The following HS6ST3 variants were observed in gnomAD, a reference collection of about 807,000 sequenced individuals.
HS6ST3 encodes the protein heparan sulfate 6-O-sulfotransferase 3.
HS6ST3 carries 12 observed loss-of-function variants against 36.7 expected under a neutral mutation model. The ratio of observed to expected loss-of-function variants is 0.33; its 90% confidence interval spans 0.21 to 0.53. HS6ST3 has a LOEUF of 0.53. HS6ST3 is among the 20% of genes least tolerant of loss of function. The pLI, the probability that HS6ST3 is intolerant of heterozygous loss-of-function variation, is 0.95. For synonymous variants in HS6ST3, 240 were observed against 257.5 expected (o/e 0.93, Z 0.65); for missense variants, 584 against 640.9 (o/e 0.91, Z 0.96).
chr13:96,567,777 T>C (rs963505462), intron 1 of HS6ST3, among the ~76,000 whole-genome samples: 1 of 152,088 alleles, frequency 6.6e-6, no homozygotes, highest in Non-Finnish European at 1.5e-5. Context: ...CAATATGAAA[T>C]AGAAAATATA....
At chr13:96,668,180 ACACACACACGC>A (rs2056670528) in intron 1 of HS6ST3, among the ~76,000 whole-genome samples, 1 of 151,938 alleles carries the variant, frequency 6.6e-6, no homozygotes, top group Non-Finnish European at 1.5e-5. Context: ...ATACACACAC[ACACACACACGC>A]ACACACACAC....
intron 1 of HS6ST3, among the ~76,000 whole-genome samples, chr13:96,292,974 G>C (rs2054837514): frequency 6.6e-6 from 1 of 151,996 alleles, no homozygotes; most frequent in Non-Finnish European, 1.5e-5. Context: ...AATGGATGAT[G>C]ATTAGTGATG....
chr13:96,212,505 C>T (rs1011906527), intron 1 of HS6ST3, among the ~76,000 whole-genome samples: 19 of 152,214 alleles, frequency 1.2e-4, no homozygotes, highest in Admixed American at 3.3e-4. Context: ...TAAATGTAGT[C>T]AATTACGTAT....
At chr13:96,678,345 C>T (rs1165464616) in intron 1 of HS6ST3, among the ~76,000 whole-genome samples, 2 of 152,022 alleles carry the variant, frequency 1.3e-5, no homozygotes, top group Non-Finnish European at 2.9e-5. Context: ...CACATTCAAA[C>T]CAAGACAATT....
At chr13:96,586,156 T>G (rs1306583395) in intron 1 of HS6ST3, among the ~76,000 whole-genome samples, 1 of 152,168 alleles carries the variant, frequency 6.6e-6, no homozygotes, top group African/African-American at 2.4e-5. Flanking sequence ...TGATAGTACT[T>G]TTGTCTTGCT....
At position 96,566,859 on chromosome 13, in the gene HS6ST3, C is replaced by G. The variant is rs563663721; in HGVS notation, c.708-265631C>G. 2.6e-3 allele frequency among the ~76,000 whole-genome samples: 394 copies of G among 152,172 alleles called. 1 individual carries two copies. Among genetic ancestry groups the G allele is most frequent in the African/African-American group, 9.0e-3 (375 of 41,546 alleles). On this transcript the variant is annotated intron_variant, in intron 1 of 1. Transcript: ENST00000376705. The stretch of plus-strand genomic sequence containing the variant: ...TTAAAAAATAACATTATAAACATAT[C>G]ATTTGGAAATATAGGAACAAATAAC...
chr13:96,604,877 G>A (rs1438288106), intron 1 of HS6ST3, among the ~76,000 whole-genome samples: 1 of 152,200 alleles, frequency 6.6e-6, no homozygotes, highest in Non-Finnish European at 1.5e-5. Context: ...TCTGGGAGCA[G>A]ATGTCGGTTT....
chr13:96,759,959 G>T (rs1357891478), intron 1 of HS6ST3, among the ~76,000 whole-genome samples: 7 of 151,662 alleles, frequency 4.6e-5, no homozygotes, highest in African/African-American at 7.3e-5. Context: ...TTTAGTGTTT[G>T]CCTTCAGCCC....
intron 1 of HS6ST3, among the ~76,000 whole-genome samples, chr13:96,626,903 A>G (rs2056514592): frequency 6.6e-6 from 1 of 152,062 alleles, no homozygotes; most frequent in Admixed American, 6.5e-5. Context: ...CTCATTTTGT[A>G]TCTAACAGTT....
chr13:96,779,634 G>A (rs1025636983), intron 1 of HS6ST3, among the ~76,000 whole-genome samples: 3 of 152,072 alleles, frequency 2.0e-5, no homozygotes, highest in African/African-American at 7.2e-5. Flanking sequence ...GAGATTCAAG[G>A]TGGAAACGTA....
chr13:96,767,323 C>A (rs942801761), intron 1 of HS6ST3, among the ~76,000 whole-genome samples: 3 of 152,294 alleles, frequency 2.0e-5, no homozygotes, highest in Non-Finnish European at 2.9e-5. Context: ...TGTACATACA[C>A]CCACATATAC....
At chr13:96,752,693 A>G (rs1876729066) in intron 1 of HS6ST3, among the ~76,000 whole-genome samples, 1 of 152,104 alleles carries the variant, frequency 6.6e-6, no homozygotes, top group Non-Finnish European at 1.5e-5. Flanking sequence ...GACACATTCT[A>G]GATACCTTGT....
At chr13:96,810,547 G>T (rs894619741) in intron 1 of HS6ST3, among the ~76,000 whole-genome samples, 1 of 152,212 alleles carries the variant, frequency 6.6e-6, no homozygotes, top group Non-Finnish European at 1.5e-5. Context: ...AACCCTGGAG[G>T]TTGGTACTAT....
Position 96,340,149 on chromosome 13 carries a change from A to C in HS6ST3, c.707+248580A>C, listed in dbSNP as rs575227346. 2.6e-5 allele frequency among the ~76,000 whole-genome samples: 4 copies of C among 152,336 alleles called. 1 individual carries two copies. Among genetic ancestry groups the C allele is most frequent in the Admixed American group, 2.6e-4 (4 of 15,302 alleles). On this transcript the variant is annotated intron_variant, in intron 1 of 1. Transcript: ENST00000376705. ...TGGAAATAGTTTATCTTTTAGCCAC[A>C]TGTTGCTGAATCATAGGAAACTCTA...
intron 1 of HS6ST3, among the ~76,000 whole-genome samples, chr13:96,271,319 GT>G (rs1173240596): frequency 6.6e-6 from 1 of 151,834 alleles, no homozygotes; most frequent in African/African-American, 2.4e-5. Flanking sequence ...TAAGCTTTAA[GT>G]TTCTCATATA....
chr13:96,783,607 G>A (rs1877575950), intron 1 of HS6ST3, among the ~76,000 whole-genome samples: 1 of 148,432 alleles, frequency 6.7e-6, no homozygotes, highest in Non-Finnish European at 1.5e-5. Context: ...GGAGGAAAAT[G>A]TCTTCCAGGG....
intron 1 of HS6ST3, among the ~76,000 whole-genome samples, chr13:96,477,797 G>A (rs1376859699): frequency 6.6e-6 from 1 of 152,042 alleles, no homozygotes; most frequent in East Asian, 1.9e-4. Flanking sequence ...TTAAAGCCGG[G>A]AGGCAAAGGT....
intron 1 of HS6ST3, among the ~76,000 whole-genome samples, chr13:96,289,626 T>G (rs1250268953): frequency 6.6e-6 from 1 of 152,208 alleles, no homozygotes; most frequent in Admixed American, 6.5e-5. Flanking sequence ...AGATTAATCA[T>G]ACCTGTATTA....
intron 1 of HS6ST3, 143 bp from the exon 2 acceptor site, chr13:96,832,347 A>G (rs1359019599): frequency 3.2e-6 from 2 of 618,834 alleles, no homozygotes; most frequent in Non-Finnish European, 5.5e-6. Context: ...ACATGCATCA[A>G]TAGACACAAA....
Sources: allele counts gnomAD v4.1 joint callset (sites outside exome capture counted in the v4.1 genomes callset), GRCh38; gene constraint gnomAD v4.1.1; transcripts MANE v1.5; gene names NCBI Gene and HGNC (gene_info 2026-07-23, HGNC 2026-07-21).